ICA1: variants seen among roughly 807,000 people sequenced by gnomAD.
ICA1 encodes the protein islet cell autoantigen 1.
ICA1 carries 40 observed loss-of-function variants against 71.0 expected under a neutral mutation model. That is an observed-to-expected ratio of 0.56 (90% CI 0.44 to 0.73). The LOEUF (loss-of-function observed/expected upper bound fraction) is 0.73, where lower values mean the gene tolerates loss of function less well. ICA1 is among the 30% of genes least tolerant of loss of function. The pLI is 0.00. For missense variants in ICA1, 578 were observed against 576.5 expected (o/e 1.00, Z -0.03); for synonymous variants, 207 against 209.5 (o/e 0.99, Z 0.10).
intron 6 of ICA1, among the ~76,000 whole-genome samples, chr7:8,187,012 G>A (rs1299021085): frequency 6.6e-6 from 1 of 152,150 alleles, no homozygotes; most frequent in Non-Finnish European, 1.5e-5. Flanking sequence ...TCAGTTCTAA[G>A]AACTTGACAA....
intron 13 of ICA1, 49 bp from the exon 14 acceptor site, chr7:8,114,093 C>A: frequency 6.2e-7 from 1 of 1,611,424 alleles, no homozygotes; most frequent in Non-Finnish European, 8.5e-7. Context: ...CAAATGTCCA[C>A]CTCTGCCATG....
chr7:8,206,146 C>T (rs1791464588), intron 6 of ICA1, among the ~76,000 whole-genome samples: 1 of 152,094 alleles, frequency 6.6e-6, no homozygotes, highest in African/African-American at 2.4e-5. Context: ...TTTTCCCTTT[C>T]CGGATAAGCA....
chr7:8,257,049 A>G (rs1372334051), intron 1 of ICA1, among the ~76,000 whole-genome samples: 1 of 152,154 alleles, frequency 6.6e-6, no homozygotes, highest in Non-Finnish European at 1.5e-5. Context: ...ACTCTGCTCT[A>G]CTCTTGGATG....
intron 6 of ICA1, among the ~76,000 whole-genome samples, chr7:8,199,075 T>C (rs997734609): frequency 2.0e-5 from 3 of 152,162 alleles, no homozygotes; most frequent in Admixed American, 2.0e-4. Flanking sequence ...ATGGCCTTTA[T>C]CCAAAAGACA....
At chr7:8,175,227 T>C (rs1279540651) in intron 6 of ICA1, among the ~76,000 whole-genome samples, 1 of 151,986 alleles carries the variant, frequency 6.6e-6, no homozygotes, top group Non-Finnish European at 1.5e-5. Flanking sequence ...GACAGGGAAG[T>C]TGAAGTCAAT....
chr7:8,210,755 C>T (rs1280928683), intron 6 of ICA1, among the ~76,000 whole-genome samples: 1 of 152,096 alleles, frequency 6.6e-6, no homozygotes, highest in African/African-American at 2.4e-5. Context: ...CACTCTGTCT[C>T]CCAGGCTGGA....
At chr7:8,246,622 C>T (rs1224955704) in intron 1 of ICA1, among the ~76,000 whole-genome samples, 3 of 152,226 alleles carry the variant, frequency 2.0e-5, no homozygotes, top group African/African-American at 7.2e-5. Context: ...TAGTTGTTCT[C>T]AGCCACATCC....
At chr7:8,146,179 G>C (rs1050192005) in intron 8 of ICA1, among the ~76,000 whole-genome samples, 4 of 152,156 alleles carry the variant, frequency 2.6e-5, no homozygotes, top group Admixed American at 2.6e-4. Flanking sequence ...GCTAGCGATG[G>C]GTCTAGGCAG....
intron 1 of ICA1, among the ~76,000 whole-genome samples, chr7:8,243,912 A>G (rs1425618299): frequency 6.6e-6 from 1 of 152,206 alleles, no homozygotes; most frequent in Non-Finnish European, 1.5e-5. Context: ...TCAACGAAAT[A>G]AAAGAGGACA....
At chr7:8,232,240 T>C (rs763400963) in intron 3 of ICA1, among the ~76,000 whole-genome samples, 1 of 152,218 alleles carries the variant, frequency 6.6e-6, no homozygotes, top group Non-Finnish European at 1.5e-5. Context: ...GTTCTTCTTT[T>C]AAAAAAATTT....
chr7:8,257,124 C>G lies in ICA1; in HGVS notation c.-80+4970G>C, dbSNP rs1458607781. Among the ~76,000 whole-genome samples the G allele has an allele frequency of 2.0e-5, 3 of 152,304 alleles. No homozygotes were observed. The East Asian group carries it at 5.8e-4, about 29-fold the overall frequency. On this transcript the variant is annotated intron_variant, in intron 1 of 13. Transcript: ENST00000402384. ...TCTCCCCCAATCACAGGCTTAGGTGCTGGGTTAGGCCCAAATCCACTGCCA... is the reference window on the plus strand; with the variant it reads ...TCTCCCCCAATCACAGGCTTAGGTGGTGGGTTAGGCCCAAATCCACTGCCA...
chr7:8,143,838 G>A (rs758205697), intron 9 of ICA1, 37 bp downstream of exon 9: 10 of 1,339,796 alleles, frequency 7.5e-6, no homozygotes, highest in Non-Finnish European at 1.1e-5. Flanking sequence ...CTCACCTGTG[G>A]GAAGAAAGAT....
chr7:8,227,623 T>TTTTC, intron 4 of ICA1: 4 of 381,260 alleles, frequency 1.0e-5, no homozygotes, highest in Non-Finnish European at 2.0e-5. Context: ...TTTTTTTTTT[T>TTTTC]CTAAGAGATC....
intron 8 of ICA1, among the ~76,000 whole-genome samples, chr7:8,146,329 C>T (rs764920354): frequency 1.3e-5 from 2 of 151,974 alleles, no homozygotes; most frequent in Non-Finnish European, 1.5e-5. Context: ...AAGAGAGTTC[C>T]GAGTCAATGG....
At chr7:8,242,750 A>G (rs1481052557) in intron 1 of ICA1, among the ~76,000 whole-genome samples, 1 of 152,242 alleles carries the variant, frequency 6.6e-6, no homozygotes, top group African/African-American at 2.4e-5. Context: ...CCGATCCCAC[A>G]GAAATACAAA....
At chr7:8,168,601 G>C (rs560792034) in intron 6 of ICA1, among the ~76,000 whole-genome samples, 1 of 152,254 alleles carries the variant, frequency 6.6e-6, no homozygotes, top group South Asian at 2.1e-4. Flanking sequence ...GATCTTATCA[G>C]TTTCAAAGTA....
chr7:8,213,436 T>C (rs965408196), intron 6 of ICA1, among the ~76,000 whole-genome samples: 5 of 152,166 alleles, frequency 3.3e-5, no homozygotes, highest in African/African-American at 1.2e-4. Flanking sequence ...GTCCCAGCCC[T>C]ACCTTAGACA....
At chr7:8,117,156 T>A (rs1043031337) in intron 13 of ICA1, among the ~76,000 whole-genome samples, 14 of 152,220 alleles carry the variant, frequency 9.2e-5, no homozygotes, top group African/African-American at 2.9e-4. Context: ...TTCCCCTTCA[T>A]CTTTGCCATG....
Position 8,128,083 on chromosome 7 carries a change from G to C in ICA1, c.1120C>G (p.Leu374Val). 6.2e-7 allele frequency: 1 copy of C among 1,614,192 alleles called. No homozygotes were observed. The highest frequency in any genetic ancestry group is 8.5e-7 in the Non-Finnish European group (1 of 1,180,022). Reference protein sequence around the residue: ...EPEGADKDDLLLLSEIFNASS... With the variant: ...EPEGADKDDLVLLSEIFNASS... ...GCATTGAAGATCTCACTCAACAGCA[G>C]CAGGTCATCTTTGTCAGCACCTTCA... The change falls in exon 13 of 14, where the codon CTG (leucine) becomes GTG (valine). Residue 374 changes from leucine (L) to valine (V), a missense_variant. Coordinates refer to ENST00000402384, the MANE Select transcript of ICA1 (RefSeq NM_001136020.3).
Sources: allele counts gnomAD v4.1 joint callset (sites outside exome capture counted in the v4.1 genomes callset), GRCh38; gene constraint gnomAD v4.1.1; transcripts MANE v1.5; gene names NCBI Gene and HGNC (gene_info 2026-07-23, HGNC 2026-07-21).